PHF21A: variants seen among roughly 807,000 people sequenced by gnomAD.
The protein encoded by PHF21A is PHD finger protein 21A.
In PHF21A, 11 loss-of-function variants were observed where a neutral mutation model predicts 82.5. That is an observed-to-expected ratio of 0.13 (90% CI 0.08 to 0.22). The LOEUF (loss-of-function observed/expected upper bound fraction) is 0.22. Among genes scored for constraint, PHF21A ranks in the 10% least tolerant of loss-of-function variants. The probability of loss-of-function intolerance (pLI) is 1.00; values close to 1 mark genes in which losing one functional copy is unlikely to be tolerated. For synonymous variants in PHF21A, 297 were observed against 302.8 expected (o/e 0.98, Z 0.20); for missense variants, 579 against 837.8 (o/e 0.69, Z 3.81).
At chr11:46,088,866 T>C (rs2096888043) in intron 3 of PHF21A, among the ~76,000 whole-genome samples, 1 of 152,170 alleles carries the variant, frequency 6.6e-6, no homozygotes, top group African/African-American at 2.4e-5. Context: ...ATACTTCTGC[T>C]TGAAGATATG....
intron 6 of PHF21A, among the ~76,000 whole-genome samples, chr11:46,056,250 G>C (rs1281143792): frequency 1.3e-5 from 2 of 152,124 alleles, no homozygotes; most frequent in African/African-American, 4.8e-5. Flanking sequence ...TCTTTCTCAA[G>C]AGAGTCAATA....
At chr11:45,946,267 A>G (rs1362334245) in intron 14 of PHF21A, among the ~76,000 whole-genome samples, 1 of 152,228 alleles carries the variant, frequency 6.6e-6, no homozygotes, top group African/African-American at 2.4e-5. Context: ...CTTATGTAGA[A>G]AGACCTCACC....
intron 8 of PHF21A, 36 bp downstream of exon 8, chr11:45,971,080 C>T: frequency 1.2e-6 from 2 of 1,610,634 alleles, no homozygotes; most frequent in Non-Finnish European, 1.7e-6. Context: ...CTAACCTTCT[C>T]ATGTGATCAC....
chr11:46,088,540 A>G (rs954471380), intron 3 of PHF21A, among the ~76,000 whole-genome samples: 5 of 152,158 alleles, frequency 3.3e-5, no homozygotes, highest in Non-Finnish European at 5.9e-5. Context: ...CCATCCCAAA[A>G]AACAAAAAAT....
At chr11:46,037,217 T>C (rs536836589) in intron 6 of PHF21A, among the ~76,000 whole-genome samples, 1 of 152,362 alleles carries the variant, frequency 6.6e-6, no homozygotes, top group South Asian at 2.1e-4. Context: ...GCTATGTTTG[T>C]AGTATATTTT....
At position 45,930,555 on chromosome 11, in the gene PHF21A, GA is replaced by G; in HGVS notation, c.*3412del. ...ACAAGACCCAGCAGGCTCCATGAAAGAAAAAGGACCCACAGGCAGCAAGAAT... is the reference window on the plus strand; with the variant it reads ...ACAAGACCCAGCAGGCTCCATGAAAGAAAAGGACCCACAGGCAGCAAGAAT... On this transcript the variant is annotated 3_prime_UTR_variant, in exon 19 of 19. Coordinates refer to ENST00000676320, the MANE Select transcript of PHF21A (RefSeq NM_001352027.3). The G allele has an allele frequency of 6.5e-6, 1 of 152,874 alleles. No individual in the cohort carries two copies. The highest frequency in any genetic ancestry group is 1.5e-5 in the Non-Finnish European group (1 of 68,446). The allele number at this position is 152,874 out of a possible 1,614,324, so 9.5% of individuals were successfully genotyped here.
At position 46,011,497 on chromosome 11, in the gene PHF21A, A is replaced by C. The variant is rs547432742; in HGVS notation, c.154-31531T>G. ...ACAGTGCAAGATTCAGTCTCAAAAA[A>C]AAAAAAGTGTTCAATGAACCAATTG... On this transcript the variant is annotated intron_variant, in intron 6 of 18. Transcript: ENST00000676320. Among the ~76,000 whole-genome samples, 449 of 152,292 alleles carry C rather than the reference A, an allele frequency of 2.9e-3. 1 individual carries two copies. Among genetic ancestry groups the C allele is most frequent in the African/African-American group, 0.01 (432 of 41,550 alleles).
intron 6 of PHF21A, among the ~76,000 whole-genome samples, chr11:46,065,406 C>CA (rs1487130699): frequency 6.6e-6 from 1 of 152,196 alleles, no homozygotes. Flanking sequence ...GCAGCCATCC[C>CA]ATGACAACAG....
At chr11:46,067,291 T>C (rs1006303028) in intron 6 of PHF21A, among the ~76,000 whole-genome samples, 1 of 152,068 alleles carries the variant, frequency 6.6e-6, no homozygotes, top group Admixed American at 6.5e-5. Context: ...ATAACAAGTA[T>C]CTGAAAAGTC....
intron 1 of PHF21A, among the ~76,000 whole-genome samples, chr11:46,097,644 C>T (rs940500915): frequency 6.6e-6 from 1 of 152,122 alleles, no homozygotes; most frequent in Admixed American, 6.5e-5. Flanking sequence ...CAAATCTCAC[C>T]CACACACTAG....
intron 4 of PHF21A, chr11:46,083,579 ATGTG>A: frequency 6.6e-6 from 1 of 152,282 alleles, no homozygotes; most frequent in East Asian, 1.9e-4. Context: ...ATGCATGTGT[ATGTG>A]TGTCTTCCGC....
intron 1 of PHF21A, among the ~76,000 whole-genome samples, chr11:46,098,795 A>G (rs2097044900): frequency 6.6e-6 from 1 of 152,212 alleles, no homozygotes; most frequent in Non-Finnish European, 1.5e-5. Flanking sequence ...CAGGGATTTA[A>G]GGAAGTGCCT....
intron 10 of PHF21A, among the ~76,000 whole-genome samples, chr11:45,958,449 T>C (rs11038725): frequency 0.1 from 1,517 of 14,858 alleles, 167 homozygotes; most frequent in African/African-American, 0.17. Context: ...TATATATATA[T>C]ACACACACAC....
intron 6 of PHF21A, among the ~76,000 whole-genome samples, chr11:46,047,253 T>C (rs2096271892): frequency 6.6e-6 from 1 of 152,156 alleles, no homozygotes; most frequent in Admixed American, 6.5e-5. Flanking sequence ...ATAATGTCTG[T>C]AAAGTGCTTT....
intron 6 of PHF21A, among the ~76,000 whole-genome samples, chr11:46,075,748 C>T (rs1226965660): frequency 6.6e-6 from 1 of 152,154 alleles, no homozygotes; most frequent in Non-Finnish European, 1.5e-5. Context: ...CATATCTCTT[C>T]CACATAATTC....
At chr11:45,986,084 AACAC>A (rs60179976) in intron 6 of PHF21A, among the ~76,000 whole-genome samples, 1 of 132,202 alleles carries the variant, frequency 7.6e-6, no homozygotes, top group Non-Finnish European at 1.6e-5. Flanking sequence ...CTTCCTTCAA[AACAC>A]ACACACACAC....
chr11:45,955,484 G>A (rs2092565373), intron 10 of PHF21A, among the ~76,000 whole-genome samples: 2 of 152,180 alleles, frequency 1.3e-5, no homozygotes, highest in African/African-American at 4.8e-5. Context: ...ATAAGGGTGT[G>A]CTGTTCCATT....
intron 2 of PHF21A, among the ~76,000 whole-genome samples, chr11:46,091,061 T>C (rs991819775): frequency 5.3e-5 from 8 of 152,252 alleles, no homozygotes; most frequent in Admixed American, 3.9e-4. Context: ...AATAAAAAGG[T>C]AGTAAATGCA....
intron 11 of PHF21A, among the ~76,000 whole-genome samples, chr11:45,951,197 T>G (rs1291470757): frequency 6.6e-6 from 1 of 152,226 alleles, no homozygotes; most frequent in African/African-American, 2.4e-5. Context: ...AATAATACAT[T>G]ATCAATTTAT....
Sources: allele counts gnomAD v4.1 joint callset (sites outside exome capture counted in the v4.1 genomes callset), GRCh38; gene constraint gnomAD v4.1.1; transcripts MANE v1.5; gene names NCBI Gene and HGNC (gene_info 2026-07-23, HGNC 2026-07-21).